The following LRRC4C variants were observed in gnomAD, a reference collection of about 807,000 sequenced individuals.
The protein encoded by LRRC4C is leucine rich repeat containing 4C, also known as leucine-rich repeat-containing protein 4C.
Under a neutral mutation model 33.6 loss-of-function variants are expected in LRRC4C, and 5 were observed. That is an observed-to-expected ratio of 0.15 (90% CI 0.08 to 0.31). The LOEUF (loss-of-function observed/expected upper bound fraction) is 0.31. Among genes scored for constraint, LRRC4C ranks in the 10% least tolerant of loss-of-function variants. The pLI is 1.00. For synonymous variants in LRRC4C, 329 were observed against 302.0 expected, an observed-to-expected ratio of 1.09 and a Z score of -0.93; for missense variants, 560 against 796.7, an observed-to-expected ratio of 0.70 and a Z score of 3.58.
At position 40,202,213 on chromosome 11, in the gene LRRC4C, CAAAAAAAA is replaced by C. The variant is rs35644436; in HGVS notation, c.-96+39298_-96+39305del. On this transcript the variant is annotated intron_variant, in intron 5 of 6. Coordinates refer to ENST00000528697, the MANE Select transcript of LRRC4C (RefSeq NM_001258419.2). ...TCCTCGGAGGGTCCTGTGTGATTAC[CAAAAAAAA>C]AAAAAAAAAAAAAAAAAGAGGGATT... 3.2e-4 allele frequency among the ~76,000 whole-genome samples: 21 copies of C among 65,014 alleles called. No individual in the cohort carries two copies. The Admixed American group carries it at 4.1e-3, about 13-fold the overall frequency. 42.7% of individuals were successfully genotyped at this position (65,014 alleles called of 152,430 possible).
intron 1 of LRRC4C, among the ~76,000 whole-genome samples, chr11:41,064,305 C>G (rs1372332522): frequency 6.6e-6 from 1 of 152,130 alleles, no homozygotes; most frequent in South Asian, 2.1e-4. Context: ...TTTAAAACAC[C>G]TCTTCCTTAT....
intron 2 of LRRC4C, among the ~76,000 whole-genome samples, chr11:40,649,338 G>T (rs1426788639): frequency 6.6e-6 from 1 of 151,966 alleles, no homozygotes; most frequent in African/African-American, 2.4e-5. Context: ...CTTTCCCAGG[G>T]TCTTAATTAT....
At position 40,972,337 on chromosome 11, in the gene LRRC4C, A is replaced by G. The variant is rs188803369; in HGVS notation, c.-495-38614T>C. On this transcript the variant is annotated intron_variant, in intron 1 of 6. Coordinates refer to ENST00000528697, the MANE Select transcript of LRRC4C (RefSeq NM_001258419.2). ...TTTTTAGTAGAGATAGCGTTTCACC[A>G]TGTTGGCCAGGCTGGTCTTGAACTC... is the stretch of plus-strand genomic sequence containing the variant. 1.2e-4 allele frequency among the ~76,000 whole-genome samples: 18 copies of G among 152,088 alleles called. No homozygotes were observed. The Middle Eastern group carries it at 0.01, about 86-fold the overall frequency.
At chr11:40,824,975 C>T (rs1247952717) in intron 2 of LRRC4C, among the ~76,000 whole-genome samples, 3 of 151,888 alleles carry the variant, frequency 2.0e-5, no homozygotes, top group Non-Finnish European at 2.9e-5. Flanking sequence ...TTCTAAGTGG[C>T]CATTACAGAG....
intron 3 of LRRC4C, among the ~76,000 whole-genome samples, chr11:40,542,464 G>A (rs1292882005): frequency 1.3e-5 from 2 of 152,054 alleles, no homozygotes; most frequent in Non-Finnish European, 2.9e-5. Context: ...TATATTTTTT[G>A]ATTGTGGGTA....
intron 1 of LRRC4C, among the ~76,000 whole-genome samples, chr11:41,063,688 G>C (rs751294013): frequency 6.6e-6 from 1 of 152,176 alleles, no homozygotes; most frequent in Non-Finnish European, 1.5e-5. Flanking sequence ...AATTAAAGAA[G>C]AGCAATATCC....
intron 1 of LRRC4C, among the ~76,000 whole-genome samples, chr11:41,058,210 C>G (rs985342624): frequency 2.8e-4 from 43 of 152,360 alleles, no homozygotes; most frequent in African/African-American, 9.6e-4. Context: ...TGTGACTCCC[C>G]CCTTTGGGGC....
At chr11:40,572,521 C>G (rs1268352828) in intron 3 of LRRC4C, among the ~76,000 whole-genome samples, 1 of 152,150 alleles carries the variant, frequency 6.6e-6, no homozygotes. Context: ...TTGAGGTTTA[C>G]AGCTGAATAC....
chr11:40,561,390 T>C (rs1314143200), intron 3 of LRRC4C, among the ~76,000 whole-genome samples: 4 of 150,876 alleles, frequency 2.7e-5, no homozygotes, highest in Non-Finnish European at 2.9e-5. Context: ...TCATCTTTAT[T>C]CTTTGTTCTG....
At chr11:40,268,753 ATCACTTGTGGAGC>A (rs1434964071) in intron 4 of LRRC4C, among the ~76,000 whole-genome samples, 9 of 152,174 alleles carry the variant, frequency 5.9e-5, no homozygotes, top group Non-Finnish European at 1.2e-4. Flanking sequence ...GTACTTCAGC[ATCACTTGTGGAGC>A]TTTTGAAAAC....
At chr11:40,358,020 T>C (rs1304435687) in intron 3 of LRRC4C, among the ~76,000 whole-genome samples, 2 of 151,768 alleles carry the variant, frequency 1.3e-5, no homozygotes, top group Non-Finnish European at 2.9e-5. Flanking sequence ...AGGTCTCTAT[T>C]AAAAATACAA....
At chr11:40,984,367 GAAAGAAAGAAAGAAA>G (rs1329442629) in intron 1 of LRRC4C, among the ~76,000 whole-genome samples, 24 of 96,514 alleles carry the variant, frequency 2.5e-4, no homozygotes, top group African/African-American at 1.0e-3. Context: ...AAAGAAAAAA[GAAAGAAAGAAAGAAA>G]GAAAGAAAGA....
At chr11:40,281,293 C>G (rs1240295015) in intron 4 of LRRC4C, among the ~76,000 whole-genome samples, 3 of 152,088 alleles carry the variant, frequency 2.0e-5, no homozygotes, top group Non-Finnish European at 2.9e-5. Context: ...TAGATCCCTC[C>G]CCATAATGTG....
At chr11:41,279,419 CACACACACA>C (rs1949591371) in intron 1 of LRRC4C, among the ~76,000 whole-genome samples, 3 of 145,980 alleles carry the variant, frequency 2.1e-5, no homozygotes, top group South Asian at 2.2e-4. Context: ...CACACACACA[CACACACACA>C]CCGTGGCAAT....
chr11:40,956,454 T>G (rs1348894014), intron 1 of LRRC4C, among the ~76,000 whole-genome samples: 1 of 151,722 alleles, frequency 6.6e-6, no homozygotes, highest in Non-Finnish European at 1.5e-5. Flanking sequence ...GGGCACTGTT[T>G]AGTACAAGAT....
intron 3 of LRRC4C, among the ~76,000 whole-genome samples, chr11:40,492,441 T>C (rs527854507): frequency 5.9e-5 from 9 of 152,292 alleles, no homozygotes; most frequent in Admixed American, 3.3e-4. Context: ...AGTAATGTTT[T>C]ATTTTCAAGA....
At chr11:40,588,313 G>A (rs1460856103) in intron 3 of LRRC4C, among the ~76,000 whole-genome samples, 6 of 151,846 alleles carry the variant, frequency 4.0e-5, no homozygotes, top group Non-Finnish European at 7.4e-5. Flanking sequence ...CTGTGGGATC[G>A]GTGGTGATAT....
intron 2 of LRRC4C, among the ~76,000 whole-genome samples, chr11:40,791,976 C>T (rs1199883118): frequency 6.6e-6 from 1 of 151,916 alleles, no homozygotes; most frequent in Middle Eastern, 3.4e-3. Flanking sequence ...TCTTTGAACA[C>T]ATTTGACATT....
intron 1 of LRRC4C, among the ~76,000 whole-genome samples, chr11:41,454,812 A>C (rs1398089133): frequency 6.6e-6 from 1 of 151,872 alleles, no homozygotes; most frequent in Non-Finnish European, 1.5e-5. Flanking sequence ...TGGGATTTTT[A>C]CCCCCTGTAT....
Sources: allele counts gnomAD v4.1 joint callset (sites outside exome capture counted in the v4.1 genomes callset), GRCh38; gene constraint gnomAD v4.1.1; transcripts MANE v1.5; gene names NCBI Gene and HGNC (gene_info 2026-07-23, HGNC 2026-07-21).